Variants in TBXAS1 observed in about 807,000 individuals in gnomAD.
The protein encoded by TBXAS1 is thromboxane A synthase 1, also known as thromboxane-A synthase.
A neutral mutation model predicts 60.7 loss-of-function variants in TBXAS1; 48 were observed. That is an observed-to-expected ratio of 0.79 (90% CI 0.63 to 1.01). TBXAS1 has a LOEUF of 1.01. Ranked by LOEUF, TBXAS1 falls within the 50% of genes least tolerant of loss-of-function variation. The pLI is 0.00. For missense variants in TBXAS1, 685 were observed against 686.3 expected, an observed-to-expected ratio of 1.00 and a Z score of 0.02; for synonymous variants, 287 against 269.7, an observed-to-expected ratio of 1.06 and a Z score of -0.63.
At chr7:139,790,079 A>G (rs1201474046) in intron 4 of TBXAS1, among the ~76,000 whole-genome samples, 2 of 152,200 alleles carry the variant, frequency 1.3e-5, no homozygotes, top group Non-Finnish European at 2.9e-5. Context: ...ATCTGTTTCT[A>G]TGTTCCATTA....
intron 3 of TBXAS1, among the ~76,000 whole-genome samples, chr7:139,892,947 A>G (rs547964684): frequency 6.6e-6 from 1 of 152,214 alleles, no homozygotes; most frequent in East Asian, 1.9e-4. Flanking sequence ...TTTGGGCCTC[A>G]TTTTCCTAGC....
intron 3 of TBXAS1, among the ~76,000 whole-genome samples, chr7:139,902,794 C>G (rs1804682202): frequency 6.6e-6 from 1 of 152,102 alleles, no homozygotes; most frequent in Admixed American, 6.5e-5. Context: ...AAAATTTTAG[C>G]CTTTCTGATA....
chr7:139,780,174 A>G (rs1382805258), intron 1 of TBXAS1, among the ~76,000 whole-genome samples: 1 of 152,232 alleles, frequency 6.6e-6, no homozygotes, highest in Non-Finnish European at 1.5e-5. Flanking sequence ...GTAAATCTCT[A>G]TCATAGCCTT....
chr7:139,976,315 G>A (rs987614879), intron 9 of TBXAS1, among the ~76,000 whole-genome samples: 1 of 152,146 alleles, frequency 6.6e-6, no homozygotes, highest in Non-Finnish European at 1.5e-5. Flanking sequence ...CTGGGAAATG[G>A]TTGGGAGCCG....
intron 9 of TBXAS1, among the ~76,000 whole-genome samples, chr7:139,968,195 T>A (rs1203151388): frequency 6.6e-6 from 1 of 152,242 alleles, no homozygotes; most frequent in Non-Finnish European, 1.5e-5. Flanking sequence ...ACATCCCATC[T>A]CTCATCCCAT....
At chr7:139,874,702 C>G (rs939254465) in intron 2 of TBXAS1, among the ~76,000 whole-genome samples, 1 of 152,140 alleles carries the variant, frequency 6.6e-6, no homozygotes, top group Non-Finnish European at 1.5e-5. Context: ...CACACCCACC[C>G]CAACTCATGA....
At chr7:140,002,581 G>A (rs1813750512) in intron 9 of TBXAS1, among the ~76,000 whole-genome samples, 1 of 151,636 alleles carries the variant, frequency 6.6e-6, no homozygotes, top group Non-Finnish European at 1.5e-5. Context: ...AGGGACTTGA[G>A]TTTTGTTGTC....
intron 4 of TBXAS1, among the ~76,000 whole-genome samples, chr7:139,824,188 G>C (rs1798375212): frequency 6.6e-6 from 1 of 152,206 alleles, no homozygotes; most frequent in Admixed American, 6.5e-5. Flanking sequence ...TTCTAGGGGA[G>C]ATGTCTGCCT....
At chr7:139,862,240 G>A (rs143996007) in intron 1 of TBXAS1, among the ~76,000 whole-genome samples, 1 of 152,284 alleles carries the variant, frequency 6.6e-6, no homozygotes, top group East Asian at 1.9e-4. Flanking sequence ...CTTTTAGATG[G>A]TATTGAAGTG....
intron 1 of TBXAS1, among the ~76,000 whole-genome samples, chr7:139,840,102 T>C (rs1799337941): frequency 6.6e-6 from 1 of 152,156 alleles, no homozygotes; most frequent in Non-Finnish European, 1.5e-5. Flanking sequence ...TTTAAGACTA[T>C]CACAGATTAT....
At position 139,959,559 on chromosome 7, in the gene TBXAS1, G is replaced by A. The variant is rs182443530; in HGVS notation, c.819+1795G>A. 5.9e-5 allele frequency among the ~76,000 whole-genome samples: 9 copies of A among 152,320 alleles called. No homozygotes were observed. In the East Asian group the frequency reaches 1.7e-3, roughly 29 times the overall value. ...TTCTCCAGTGCACGGGCCCTGGAGA[G>A]TGGCCTTTCCTCTGGCCTCTGTAGC... On this transcript the variant is annotated intron_variant, in intron 8 of 12. Coordinates refer to ENST00000448866, the MANE Select transcript of TBXAS1 (RefSeq NM_001061.7).
intron 1 of TBXAS1, among the ~76,000 whole-genome samples, chr7:139,849,198 G>A (rs1304512795): frequency 6.6e-6 from 1 of 151,888 alleles, no homozygotes; most frequent in East Asian, 1.9e-4. Flanking sequence ...GGGCAATATA[G>A]GAAGTCTCCG....
chr7:139,786,580 A>G lies in TBXAS1; in HGVS notation c.-168-758A>G, dbSNP rs971774371. Among the ~76,000 whole-genome samples the G allele has an allele frequency of 2.0e-5, 3 of 151,878 alleles. No individual in the cohort carries two copies. The East Asian group carries it at 5.8e-4, about 29-fold the overall frequency. On this transcript the variant is annotated intron_variant, in intron 3 of 16. Transcript: ENST00000336425. Reference sequence around the variant, plus strand: ...TATTTTATTTTTTCATATAATCCTGAAGCTTTTCACTCTATGTGGAAGACA... The same window carrying G: ...TATTTTATTTTTTCATATAATCCTGGAGCTTTTCACTCTATGTGGAAGACA...
chr7:139,805,296 A>G (rs1797820339), intron 4 of TBXAS1, among the ~76,000 whole-genome samples: 1 of 152,258 alleles, frequency 6.6e-6, no homozygotes, highest in Admixed American at 6.5e-5. Flanking sequence ...TAAGAAAGTT[A>G]TCCAAGCTAA....
At chr7:139,923,176 A>ATATATATATAT (rs1554490812) in intron 4 of TBXAS1, among the ~76,000 whole-genome samples, 3 of 152,006 alleles carry the variant, frequency 2.0e-5, no homozygotes, top group South Asian at 2.1e-4. Flanking sequence ...ATATATATAT[A>ATATATATATAT]ATTAGCCAGG....
intron 4 of TBXAS1, among the ~76,000 whole-genome samples, chr7:139,920,862 T>C (rs1436047276): frequency 6.6e-6 from 1 of 152,208 alleles, no homozygotes; most frequent in Admixed American, 6.5e-5. Flanking sequence ...CCTCTGTTCC[T>C]GACGATGATA....
chr7:139,856,763 C>A (rs928343656), intron 1 of TBXAS1, among the ~76,000 whole-genome samples: 1 of 152,124 alleles, frequency 6.6e-6, no homozygotes, highest in Non-Finnish European at 1.5e-5. Context: ...GACAGGAAAA[C>A]CCTCACTGAG....
intron 4 of TBXAS1, chr7:139,913,236 A>G (rs1019900697): frequency 4.4e-6 from 3 of 675,484 alleles, no homozygotes; most frequent in Non-Finnish European, 8.2e-6. Flanking sequence ...CTGCATTGCT[A>G]TCTCCTCGCT....
intron 3 of TBXAS1, among the ~76,000 whole-genome samples, chr7:139,879,832 T>TTGTGTGTGTGTGTGTGTG (rs57176056): frequency 7.1e-6 from 1 of 140,430 alleles, no homozygotes; most frequent in African/African-American, 2.7e-5. Context: ...TTATCTCATT[T>TTGTGTGTGTGTGTGTGTG]TGTGTGTGTG....
Sources: allele counts gnomAD v4.1 joint callset (sites outside exome capture counted in the v4.1 genomes callset), GRCh38; gene constraint gnomAD v4.1.1; transcripts MANE v1.5; gene names NCBI Gene and HGNC (gene_info 2026-07-23, HGNC 2026-07-21).